Variants in USP34 observed in about 807,000 individuals in gnomAD.
USP34 encodes ubiquitin carboxyl-terminal hydrolase 34.
USP34 carries 70 observed loss-of-function variants against 460.3 expected under a neutral mutation model. That is an observed-to-expected ratio of 0.15 (90% CI 0.13 to 0.19). The LOEUF (loss-of-function observed/expected upper bound fraction) is 0.19, where lower values mean the gene tolerates loss of function less well. Ranked by LOEUF, USP34 falls within the 10% of genes least tolerant of loss-of-function variation. USP34 has a pLI of 1.00. For synonymous variants in USP34, 1,647 were observed against 1,405.3 expected (o/e 1.17, Z -3.85); for missense variants, 3,985 against 4,236.2 (o/e 0.94, Z 1.65).
rs368119309 is a variant in USP34, at chr2:61,283,437, A to C, written c.4845T>G (p.Ala1615=). The C allele has an allele frequency of 2.5e-6, 4 of 1,606,456 alleles. No homozygotes were observed. Among genetic ancestry groups the C allele is most frequent in the Non-Finnish European group, 3.4e-6 (4 of 1,177,296 alleles). The stretch of plus-strand genomic sequence containing the variant: ...CATGTCTAGACCTGTGATCAGACTG[A>C]GCTTTTAAAACTCTGTAAAGTAAAA... The part of the protein sequence containing the change: ...YDNLAPRVLK[A]QSDHRSRHEV... The change falls in exon 36 of 80, where the codon GCT becomes GCG. Residue 1615 remains alanine (A), a synonymous_variant. Transcript: ENST00000398571.
intron 1 of USP34, among the ~76,000 whole-genome samples, chr2:61,454,922 G>C (rs2442027): frequency 4.5e-5 from 6 of 134,032 alleles, no homozygotes; most frequent in African/African-American, 1.4e-4. Flanking sequence ...TAGTCGCCCA[G>C]ACTGGATGGA....
At position 61,344,024 on chromosome 2, in the gene USP34, A is replaced by G. The variant is rs1337593981; in HGVS notation, c.2291T>C (p.Met764Thr). ...ATCTGCACTTAGCATATCATCAACC[A>G]TATGCCTACAAAACAGAGAAAAGCA... Reference protein sequence around the residue: ...HHHHHHHDGHMVDDMLSADDV... With the variant: ...HHHHHHHDGHTVDDMLSADDV... Residue 764 changes from methionine to threonine, a missense_variant, in exon 16 of 80, where the codon ATG (methionine) becomes ACG (threonine). Around this residue, in one of 14 missense-constraint regions of USP34, gnomAD observed 716 missense variants for 626.2 expected, o/e 1.14. Coordinates refer to ENST00000398571, the MANE Select transcript of USP34 (RefSeq NM_014709.4). 5 of 1,613,486 alleles carry G rather than the reference A, an allele frequency of 3.1e-6. No individual in the cohort carries two copies. In the South Asian group the frequency reaches 5.5e-5, roughly 18 times the overall value.
At chr2:61,201,866 G>A (rs1222296787) in intron 75 of USP34, among the ~76,000 whole-genome samples, 2 of 152,062 alleles carry the variant, frequency 1.3e-5, no homozygotes, top group Middle Eastern at 3.2e-3. Flanking sequence ...CTTTATATGG[G>A]AGCAAGGCTG....
At chr2:61,450,100 C>A (rs1221557385) in intron 1 of USP34, among the ~76,000 whole-genome samples, 9 of 150,158 alleles carry the variant, frequency 6.0e-5, no homozygotes, top group Non-Finnish European at 8.9e-5. Context: ...AAGTCTTAAA[C>A]AAAAAAAAAG....
chr2:61,329,450 A>G (rs909195507), intron 20 of USP34, among the ~76,000 whole-genome samples: 8 of 152,236 alleles, frequency 5.3e-5, no homozygotes, highest in Non-Finnish European at 1.2e-4. Flanking sequence ...GAATTTTAAT[A>G]TAATTTTAAA....
intron 1 of USP34, among the ~76,000 whole-genome samples, chr2:61,454,226 G>A (rs1294087804): frequency 1.3e-5 from 2 of 152,096 alleles, no homozygotes; most frequent in African/African-American, 4.8e-5. Context: ...CCAGGTTCAA[G>A]TGATTCTCCT....
chr2:61,452,483 C>T (rs1036803703), intron 1 of USP34, among the ~76,000 whole-genome samples: 12 of 151,830 alleles, frequency 7.9e-5, no homozygotes, highest in African/African-American at 2.9e-4. Context: ...CATCACCACA[C>T]CCTACTAATT....
chr2:61,260,857 G>A (rs1318454413), intron 43 of USP34, among the ~76,000 whole-genome samples: 1 of 152,078 alleles, frequency 6.6e-6, no homozygotes. Context: ...AGTATGAGTT[G>A]GCTAAAGAGC....
At chr2:61,462,104 T>C (rs925963604) in intron 1 of USP34, among the ~76,000 whole-genome samples, 6 of 151,748 alleles carry the variant, frequency 4.0e-5, no homozygotes, top group Non-Finnish European at 8.8e-5. Context: ...TCAGGCATGG[T>C]GGCAGTTGCC....
intron 21 of USP34, among the ~76,000 whole-genome samples, chr2:61,320,567 A>G (rs1690886126): frequency 1.3e-5 from 2 of 152,250 alleles, no homozygotes; most frequent in South Asian, 4.1e-4. Context: ...AAAAGTGTAT[A>G]AAATATTTAC....
At chr2:61,245,834 G>A (rs1454745454) in intron 50 of USP34, among the ~76,000 whole-genome samples, 1 of 152,122 alleles carries the variant, frequency 6.6e-6, no homozygotes, top group Admixed American at 6.5e-5. Flanking sequence ...AGTACCTATA[G>A]GCCAGACCCT....
intron 27 of USP34, among the ~76,000 whole-genome samples, chr2:61,309,754 T>G (rs577588718): frequency 3.0e-4 from 45 of 152,278 alleles, no homozygotes; most frequent in Non-Finnish European, 4.9e-4. Context: ...AAATACAAAT[T>G]CTATGAAGAT....
intron 19 of USP34, among the ~76,000 whole-genome samples, chr2:61,333,588 C>T (rs1018971912): frequency 6.6e-6 from 1 of 152,068 alleles, no homozygotes; most frequent in Non-Finnish European, 1.5e-5. Flanking sequence ...TAGTGTGGCT[C>T]TTCTTCAAAA....
At chr2:61,271,884 A>G (rs4353638) in intron 41 of USP34, among the ~76,000 whole-genome samples, 22,144 of 152,314 alleles carry the variant, frequency 0.15, 2,183 homozygotes, top group South Asian at 0.37. Context: ...AGTAAAAATC[A>G]TTAGAGTGGA....
At chr2:61,268,597 T>C (rs1689123369) in intron 41 of USP34, among the ~76,000 whole-genome samples, 1 of 152,018 alleles carries the variant, frequency 6.6e-6, no homozygotes. Context: ...CATCAGGTAT[T>C]CCCTTATAAC....
chr2:61,337,183 G>C (rs1691446826), intron 18 of USP34, among the ~76,000 whole-genome samples: 1 of 151,924 alleles, frequency 6.6e-6, no homozygotes, highest in Non-Finnish European at 1.5e-5. Context: ...AACCACTCAG[G>C]GTAGCTATTA....
Position 61,348,761 on chromosome 2 carries a change from T to G in USP34, c.1669A>C (p.Thr557Pro). The change falls in exon 14 of 80, where the codon ACA (threonine) becomes CCA (proline). Residue 557 changes from threonine to proline, a missense_variant. This residue lies in a region of USP34 where 716 missense variants were observed against 626.2 expected (regional missense o/e 1.14). Coordinates refer to ENST00000398571, the MANE Select transcript of USP34 (RefSeq NM_014709.4). The stretch of plus-strand genomic sequence containing the variant: ...AGAAAAACCTATTTTCATACCTCTG[T>G]GTCTGAAAGTCGTTGTTGCACATGT... ...TKHVQQRLSDTEESMQGSSDE... is the reference protein window; with the variant it reads ...TKHVQQRLSDPEESMQGSSDE... 1 of 1,610,294 alleles carries G rather than the reference T, an allele frequency of 6.2e-7. No homozygotes were observed. Among genetic ancestry groups the G allele is most frequent in the Non-Finnish European group, 8.5e-7 (1 of 1,178,948 alleles).
intron 18 of USP34, among the ~76,000 whole-genome samples, chr2:61,337,644 G>A (rs1356385916): frequency 6.6e-6 from 1 of 152,080 alleles, no homozygotes; most frequent in Non-Finnish European, 1.5e-5. Flanking sequence ...TTTTTGTAGA[G>A]GCGAGGTTTT....
chr2:61,219,068 T>G lies in USP34; in HGVS notation c.8047+1242A>C, dbSNP rs1053481399. 2.0e-4 allele frequency among the ~76,000 whole-genome samples: 30 copies of G among 152,364 alleles called. 2 individuals are homozygous for G. The highest frequency in any genetic ancestry group is 1.5e-3 in the Admixed American group (23 of 15,310). On this transcript the variant is annotated intron_variant, in intron 67 of 79. Coordinates refer to ENST00000398571, the MANE Select transcript of USP34 (RefSeq NM_014709.4). ...TTTTGTATGGGAGATTTGTTTACTCTCCATTTATTTATTCAATCATTTATT... is the reference window on the plus strand; with the variant it reads ...TTTTGTATGGGAGATTTGTTTACTCGCCATTTATTTATTCAATCATTTATT...
Sources: allele counts gnomAD v4.1 joint callset (sites outside exome capture counted in the v4.1 genomes callset), GRCh38; gene constraint gnomAD v4.1.1; regional missense constraint gnomAD v4.1.1; transcripts MANE v1.5; gene names NCBI Gene and HGNC (gene_info 2026-07-23, HGNC 2026-07-21).